DACH2: variants seen among roughly 807,000 people sequenced by gnomAD.
DACH2 encodes the protein dachshund homolog 2.
A neutral mutation model predicts 35.8 loss-of-function variants in DACH2; 17 were observed. The ratio of observed to expected loss-of-function variants is 0.48; its 90% CI spans 0.33 to 0.71. The LOEUF is 0.71. DACH2 is among the 30% of genes least tolerant of loss of function. The probability of loss-of-function intolerance (pLI) is 0.02; values close to 1 mark genes in which losing one functional copy is unlikely to be tolerated. For missense variants in DACH2, 469 were observed against 472.7 expected (o/e 0.99, Z 0.07); for synonymous variants, 195 against 177.3 (o/e 1.10, Z -0.79).
At chrX:86,209,682 C>T (rs770536895) in intron 1 of DACH2, among the ~76,000 whole-genome samples, 2 of 111,038 alleles carry the variant, frequency 1.8e-5, no homozygotes, top group East Asian at 2.9e-4. Context: ...TTCTTTTCCT[C>T]CTTCACATGA....
chrX:86,374,820 AT>A (rs964663233), intron 1 of DACH2, among the ~76,000 whole-genome samples: 1 of 109,917 alleles, frequency 9.1e-6, no homozygotes, highest in African/African-American at 3.3e-5. Flanking sequence ...AACCCAGCTG[AT>A]TTTTTTTCAC....
chrX:86,823,828 G>A (rs6524695), intron 11 of DACH2, among the ~76,000 whole-genome samples: 36,019 of 109,491 alleles, frequency 0.33, 4,821 homozygotes, highest in Middle Eastern at 0.42. Context: ...AAGGGGAGGG[G>A]GTGCAAGAAC....
chrX:86,732,211 G>A (rs1028369235), intron 6 of DACH2, among the ~76,000 whole-genome samples: 1 of 111,751 alleles, frequency 8.9e-6, no homozygotes, highest in African/African-American at 3.2e-5. Context: ...AAATCAGCAA[G>A]TGTCTTGAAA....
At chrX:86,608,700 T>C (rs1384528153) in intron 3 of DACH2, among the ~76,000 whole-genome samples, 1 of 111,924 alleles carries the variant, frequency 8.9e-6, no homozygotes, top group African/African-American at 3.2e-5. Context: ...GTTTAAAGAA[T>C]ATTTTCACCA....
intron 1 of DACH2, among the ~76,000 whole-genome samples, chrX:86,252,171 C>T (rs1181055115): frequency 9.1e-6 from 1 of 110,367 alleles, no homozygotes; most frequent in African/African-American, 3.3e-5. Context: ...ATACCCTTAG[C>T]CCTCTTTTTG....
At chrX:86,695,716 C>T (rs1335477915) in intron 5 of DACH2, among the ~76,000 whole-genome samples, 1 of 109,529 alleles carries the variant, frequency 9.1e-6, no homozygotes, top group Non-Finnish European at 1.9e-5. Context: ...TTTCACCATG[C>T]TGGCCAGGCT....
intron 11 of DACH2, among the ~76,000 whole-genome samples, chrX:86,819,232 C>T (rs1010285310): frequency 9.1e-6 from 1 of 109,727 alleles, no homozygotes; most frequent in Non-Finnish European, 1.9e-5. Flanking sequence ...CTGGTGATCA[C>T]GCAATGTGTA....
intron 3 of DACH2, among the ~76,000 whole-genome samples, chrX:86,574,088 A>G (rs1006320634): frequency 8.9e-6 from 1 of 111,777 alleles, no homozygotes; most frequent in Non-Finnish European, 1.9e-5. Context: ...TTCTGATGTC[A>G]CTTATTCAGT....
intron 1 of DACH2, among the ~76,000 whole-genome samples, chrX:86,320,870 G>C (rs1484161698): frequency 8.9e-6 from 1 of 112,023 alleles, no homozygotes; most frequent in Non-Finnish European, 1.9e-5. Context: ...CTGGTTAAAG[G>C]CTTTTTGAGC....
chrX:86,449,356 C>T (rs2037324793), intron 2 of DACH2, among the ~76,000 whole-genome samples: 1 of 102,903 alleles, frequency 9.7e-6, no homozygotes, highest in Non-Finnish European at 2.0e-5. Flanking sequence ...AATGTGTTTG[C>T]TCTTGCTTTT....
chrX:86,324,571 CTTTTTTTTTTTTTTTTT>C (rs56918891), intron 1 of DACH2, among the ~76,000 whole-genome samples: 1 of 40,640 alleles, frequency 2.5e-5, no homozygotes, highest in Admixed American at 4.5e-4. Flanking sequence ...TCACTGTTGT[CTTTTTTTTTTTTTTTTT>C]TTTTTTTTGA....
At chrX:86,707,877 T>C (rs1373309734) in intron 5 of DACH2, among the ~76,000 whole-genome samples, 1 of 77,436 alleles carries the variant, frequency 1.3e-5, no homozygotes, top group African/African-American at 5.7e-5. Context: ...ATCACACCAC[T>C]GTATTCCAGC....
chrX:86,419,345 T>C (rs775674237), intron 2 of DACH2, among the ~76,000 whole-genome samples: 1 of 111,634 alleles, frequency 9.0e-6, no homozygotes. Context: ...AAGAAAGAGG[T>C]TTATTGGACT....
At chrX:86,676,451 C>A (rs1045578098) in intron 4 of DACH2, among the ~76,000 whole-genome samples, 2 of 111,537 alleles carry the variant, frequency 1.8e-5, no homozygotes, top group African/African-American at 6.5e-5. Flanking sequence ...TTCAACCTCA[C>A]TAGTTTGTAT....
At chrX:86,427,638 A>G (rs886252547) in intron 2 of DACH2, among the ~76,000 whole-genome samples, 25 of 111,641 alleles carry the variant, frequency 2.2e-4, no homozygotes, top group African/African-American at 8.1e-4. Flanking sequence ...CCCTAAGAAC[A>G]ATTTGTTTAG....
At chrX:86,228,295 T>C (rs1457002072) in intron 1 of DACH2, among the ~76,000 whole-genome samples, 2 of 111,143 alleles carry the variant, frequency 1.8e-5, no homozygotes, top group Non-Finnish European at 3.8e-5. Flanking sequence ...ATGCTGTATA[T>C]GTACATACAT....
chrX:86,490,910 G>A (rs2038084577), intron 2 of DACH2, among the ~76,000 whole-genome samples: 1 of 110,859 alleles, frequency 9.0e-6, no homozygotes, highest in African/African-American at 3.3e-5. Context: ...TTACGTTGGT[G>A]GACTTTTTGG....
intron 1 of DACH2, among the ~76,000 whole-genome samples, chrX:86,376,346 G>A (rs1265611261): frequency 9.1e-6 from 1 of 109,836 alleles, no homozygotes; most frequent in Non-Finnish European, 1.9e-5. Flanking sequence ...AATAAAAGAT[G>A]AGAAAAAATT....
chrX:86,718,394 C>A (rs5967754), intron 6 of DACH2, among the ~76,000 whole-genome samples: 24 of 111,170 alleles, frequency 2.2e-4, no homozygotes, highest in Admixed American at 2.1e-3. Flanking sequence ...CTGTCACATG[C>A]ATTATTTGCA....
Sources: allele counts gnomAD v4.1 joint callset (sites outside exome capture counted in the v4.1 genomes callset), GRCh38; gene constraint gnomAD v4.1.1; transcripts MANE v1.5; gene names NCBI Gene and HGNC (gene_info 2026-07-23, HGNC 2026-07-21).